SLC9A9: variants seen among roughly 807,000 people sequenced by gnomAD.
SLC9A9 encodes solute carrier family 9 member A9.
A neutral mutation model predicts 77.8 loss-of-function variants in SLC9A9; 62 were observed. The observed-to-expected ratio is 0.80, with a 90% CI of 0.65 to 0.98. The LOEUF (loss-of-function observed/expected upper bound fraction) is 0.98. Ranked by LOEUF, SLC9A9 falls within the 50% of genes least tolerant of loss-of-function variation. SLC9A9 has a pLI of 0.00. For missense variants in SLC9A9, 775 were observed against 774.9 expected, an observed-to-expected ratio of 1.00 and a Z score of 0.00; for synonymous variants, 320 against 283.5, an observed-to-expected ratio of 1.13 and a Z score of -1.29.
chr3:143,451,117 G>A (rs143216545), intron 12 of SLC9A9, among the ~76,000 whole-genome samples: 1 of 151,670 alleles, frequency 6.6e-6, no homozygotes, highest in African/African-American at 2.4e-5. Context: ...TTCATTACTG[G>A]CCAACTACAA....
intron 14 of SLC9A9, among the ~76,000 whole-genome samples, chr3:143,276,274 T>C (rs1178716185): frequency 6.6e-6 from 1 of 152,234 alleles, no homozygotes; most frequent in East Asian, 1.9e-4. Flanking sequence ...ATTCCAACTA[T>C]ACTTTTCAGG....
At chr3:143,479,005 A>C (rs1234805976) in intron 11 of SLC9A9, among the ~76,000 whole-genome samples, 1 of 152,172 alleles carries the variant, frequency 6.6e-6, no homozygotes, top group Non-Finnish European at 1.5e-5. Flanking sequence ...ACACAGGGAG[A>C]GGTGACACAC....
At chr3:143,329,338 A>G (rs919771385) in intron 14 of SLC9A9, among the ~76,000 whole-genome samples, 1 of 152,248 alleles carries the variant, frequency 6.6e-6, no homozygotes, top group Non-Finnish European at 1.5e-5. Flanking sequence ...GGGGCTGACC[A>G]GAGTACTTAG....
chr3:143,437,995 A>G (rs2034655375), intron 12 of SLC9A9, among the ~76,000 whole-genome samples: 1 of 152,212 alleles, frequency 6.6e-6, no homozygotes, highest in Non-Finnish European at 1.5e-5. Flanking sequence ...AAATCAATGA[A>G]TCCTTCATTT....
At position 143,406,438 on chromosome 3, in the gene SLC9A9, C is replaced by T. The variant is rs540000295; in HGVS notation, c.1470-24324G>A. Among the ~76,000 whole-genome samples the T allele has an allele frequency of 3.3e-5, 5 of 151,346 alleles. No individual in the cohort carries two copies. In the East Asian group the frequency reaches 5.9e-4, roughly 18 times the overall value. ...TGTCGCCCAAGGTGGAGTGCAATGG[C>T]GCGATCTCGACTCACTGCAACCTCC... On this transcript the variant is annotated intron_variant, in intron 12 of 15. Coordinates refer to ENST00000316549, the MANE Select transcript of SLC9A9 (RefSeq NM_173653.4).
At chr3:143,722,993 T>G (rs956581394) in intron 4 of SLC9A9, among the ~76,000 whole-genome samples, 2 of 152,186 alleles carry the variant, frequency 1.3e-5, no homozygotes, top group Admixed American at 1.3e-4. Context: ...TATTTTTTTC[T>G]GTACAACTTT....
At chr3:143,637,535 T>G (rs1463750880) in intron 6 of SLC9A9, among the ~76,000 whole-genome samples, 1 of 152,222 alleles carries the variant, frequency 6.6e-6, no homozygotes, top group Non-Finnish European at 1.5e-5. Flanking sequence ...ATCCCTGTTT[T>G]GTAGATATAA....
Position 143,546,517 on chromosome 3 carries a change from A to T in SLC9A9, c.1089+5845T>A, listed in dbSNP as rs144355543. 2.6e-5 allele frequency among the ~76,000 whole-genome samples: 4 copies of T among 152,240 alleles called. No individual in the cohort carries two copies. In the East Asian group the frequency reaches 7.7e-4, roughly 29 times the overall value. On this transcript the variant is annotated intron_variant, in intron 9 of 15. Coordinates refer to ENST00000316549, the MANE Select transcript of SLC9A9 (RefSeq NM_173653.4). ...AATCAAATACTATATAAAGTAAATG[A>T]CTAATTATCTGAATTGGCTGAAAGT...
At chr3:143,589,148 C>T (rs1195062490) in intron 6 of SLC9A9, among the ~76,000 whole-genome samples, 3 of 152,152 alleles carry the variant, frequency 2.0e-5, no homozygotes, top group Non-Finnish European at 2.9e-5. Context: ...ATACGATTCC[C>T]TGTATTCATT....
At chr3:143,336,752 G>C (rs1458317312) in intron 14 of SLC9A9, among the ~76,000 whole-genome samples, 3 of 152,068 alleles carry the variant, frequency 2.0e-5, no homozygotes, top group Non-Finnish European at 2.9e-5. Flanking sequence ...GGGAAATGGG[G>C]AATTGTTCAA....
chr3:143,756,208 G>GT (rs1379066639), intron 4 of SLC9A9, among the ~76,000 whole-genome samples: 1 of 152,148 alleles, frequency 6.6e-6, no homozygotes, highest in African/African-American at 2.4e-5. Flanking sequence ...TGTGCATGTG[G>GT]TCACAAAACA....
intron 2 of SLC9A9, among the ~76,000 whole-genome samples, chr3:143,814,349 A>T (rs1431169859): frequency 6.6e-6 from 1 of 152,184 alleles, no homozygotes; most frequent in Non-Finnish European, 1.5e-5. Flanking sequence ...GTTGATGAGC[A>T]TAGATGGGGT....
At chr3:143,537,823 C>T (rs1455115096) in intron 9 of SLC9A9, among the ~76,000 whole-genome samples, 1 of 152,158 alleles carries the variant, frequency 6.6e-6, no homozygotes, top group Non-Finnish European at 1.5e-5. Context: ...GTTGGGAGGG[C>T]CAGCTTCATT....
At chr3:143,346,401 A>G (rs539008723) in intron 14 of SLC9A9, among the ~76,000 whole-genome samples, 1 of 152,346 alleles carries the variant, frequency 6.6e-6, no homozygotes, top group South Asian at 2.1e-4. Flanking sequence ...TTGATGTTGC[A>G]GAAAATAAGC....
At chr3:143,547,881 T>C (rs2036815169) in intron 9 of SLC9A9, among the ~76,000 whole-genome samples, 1 of 152,256 alleles carries the variant, frequency 6.6e-6, no homozygotes, top group Non-Finnish European at 1.5e-5. Context: ...TTTTGACTAC[T>C]ATGAAGTTCC....
rs1559921303 is a variant in SLC9A9, at chr3:143,449,616, TATATAATTATATAAAATATAATTATATA to T, written c.1469+17393_1469+17420del. On this transcript the variant is annotated intron_variant, in intron 12 of 15. Coordinates refer to ENST00000316549, the MANE Select transcript of SLC9A9 (RefSeq NM_173653.4). ...ATATAATTATATAAAATATAATAAT[TATATAATTATATAAAATATAATTATATA>T]ATATAATTATATAAAATATAATTAT... 2.4e-4 allele frequency among the ~76,000 whole-genome samples: 6 copies of T among 24,902 alleles called. 1 individual carries two copies. The highest frequency in any genetic ancestry group is 4.0e-4 in the Non-Finnish European group (6 of 14,898). 16.3% of individuals were successfully genotyped at this position (24,902 alleles called of 152,430 possible).
At chr3:143,656,437 A>T (rs1466778004) in intron 5 of SLC9A9, among the ~76,000 whole-genome samples, 1 of 151,926 alleles carries the variant, frequency 6.6e-6, no homozygotes, top group Non-Finnish European at 1.5e-5. Context: ...ATGTTTGACA[A>T]TTTTTTTTAA....
At chr3:143,528,870 A>G (rs2036454462) in intron 9 of SLC9A9, among the ~76,000 whole-genome samples, 1 of 152,182 alleles carries the variant, frequency 6.6e-6, no homozygotes, top group Non-Finnish European at 1.5e-5. Context: ...ACTATCTGAT[A>G]GGTCAGGAGT....
intron 5 of SLC9A9, among the ~76,000 whole-genome samples, chr3:143,659,179 G>A (rs1030077962): frequency 6.6e-6 from 1 of 151,922 alleles, no homozygotes; most frequent in Non-Finnish European, 1.5e-5. Context: ...GTGGGCAAGG[G>A]TTTATCTACA....
Sources: allele counts gnomAD v4.1 joint callset (sites outside exome capture counted in the v4.1 genomes callset), GRCh38; gene constraint gnomAD v4.1.1; transcripts MANE v1.5; gene names NCBI Gene and HGNC (gene_info 2026-07-23, HGNC 2026-07-21).